Variants in OXR1 observed in about 807,000 individuals in gnomAD.
OXR1 encodes the protein oxidation resistance protein 1.
A neutral mutation model predicts 104.6 loss-of-function variants in OXR1; 41 were observed. The observed-to-expected ratio is 0.39, with a 90% CI of 0.31 to 0.51. The LOEUF is 0.51. OXR1 is among the 20% of genes least tolerant of loss of function. The probability of loss-of-function intolerance (pLI) is 0.77; values close to 1 mark genes in which losing one functional copy is unlikely to be tolerated. For missense variants in OXR1, 955 were observed against 1,031.9 expected (o/e 0.93, Z 1.02); for synonymous variants, 348 against 348.4 (o/e 1.00, Z 0.01).
At chr8:106,464,435 G>A (rs919244449) in intron 2 of OXR1, among the ~76,000 whole-genome samples, 2 of 151,950 alleles carry the variant, frequency 1.3e-5, no homozygotes, top group East Asian at 1.9e-4. Context: ...TATTGCCCCC[G>A]TGACAATTTT....
At chr8:106,493,711 G>A (rs532914355) in intron 2 of OXR1, among the ~76,000 whole-genome samples, 4 of 152,166 alleles carry the variant, frequency 2.6e-5, no homozygotes, top group Non-Finnish European at 4.4e-5. Context: ...GCTTAGGATC[G>A]GCTAATTGAA....
chr8:106,715,412 T>C (rs897431190), intron 11 of OXR1, among the ~76,000 whole-genome samples: 13 of 148,064 alleles, frequency 8.8e-5, no homozygotes, highest in Non-Finnish European at 1.8e-4. Context: ...ATAATATATA[T>C]AATACGTATA....
At chr8:106,431,591 C>T (rs981752289) in intron 2 of OXR1, among the ~76,000 whole-genome samples, 1 of 152,298 alleles carries the variant, frequency 6.6e-6, no homozygotes, top group East Asian at 1.9e-4. Flanking sequence ...CATTATGTTA[C>T]GTATCTATTC....
chr8:106,668,695 T>C (rs1404860625), intron 3 of OXR1, among the ~76,000 whole-genome samples: 1 of 152,208 alleles, frequency 6.6e-6, no homozygotes, highest in African/African-American at 2.4e-5. Flanking sequence ...AATACAGGCT[T>C]AGTAACAATA....
chr8:106,314,336 C>T (rs923625326), intron 1 of OXR1, among the ~76,000 whole-genome samples: 4 of 152,150 alleles, frequency 2.6e-5, no homozygotes, highest in Non-Finnish European at 5.9e-5. Context: ...TTATGGGCCA[C>T]CATACCATTT....
intron 3 of OXR1, among the ~76,000 whole-genome samples, chr8:106,526,694 C>T (rs977891536): frequency 3.3e-5 from 5 of 152,218 alleles, no homozygotes; most frequent in Admixed American, 2.0e-4. Flanking sequence ...AGGCGTCCGC[C>T]ACCACGCCCG....
chr8:106,411,699 G>A (rs1178842127), intron 2 of OXR1, among the ~76,000 whole-genome samples: 1 of 152,140 alleles, frequency 6.6e-6, no homozygotes, highest in African/African-American at 2.4e-5. Flanking sequence ...TGATTTCTGT[G>A]CAAGATTTTG....
intron 1 of OXR1, among the ~76,000 whole-genome samples, chr8:106,327,276 T>C (rs1189428931): frequency 6.6e-6 from 1 of 152,218 alleles, no homozygotes; most frequent in East Asian, 1.9e-4. Context: ...TCAAAAAGCA[T>C]AGTTTGAACC....
At chr8:106,604,047 C>T (rs988585117) in intron 3 of OXR1, among the ~76,000 whole-genome samples, 2 of 151,892 alleles carry the variant, frequency 1.3e-5, no homozygotes, top group Non-Finnish European at 2.9e-5. Flanking sequence ...AGTGAGACTC[C>T]ATCTCAAAAA....
intron 11 of OXR1, among the ~76,000 whole-genome samples, chr8:106,717,978 T>G (rs1365788924): frequency 6.6e-6 from 1 of 152,228 alleles, no homozygotes; most frequent in East Asian, 1.9e-4. Flanking sequence ...TGTTAGAAAG[T>G]TATTTGTTAC....
chr8:106,548,528 A>G (rs1167363872), intron 3 of OXR1, among the ~76,000 whole-genome samples: 1 of 152,242 alleles, frequency 6.6e-6, no homozygotes, highest in Non-Finnish European at 1.5e-5. Context: ...TAAAAATGTT[A>G]TAATATATAA....
intron 3 of OXR1, among the ~76,000 whole-genome samples, chr8:106,602,916 T>C (rs1463282389): frequency 3.9e-5 from 6 of 152,168 alleles, no homozygotes; most frequent in Non-Finnish European, 7.3e-5. Context: ...AATATTCTTA[T>C]CCTTTCAGGT....
chr8:106,536,008 C>A (rs1044929075), intron 3 of OXR1, among the ~76,000 whole-genome samples: 1 of 152,056 alleles, frequency 6.6e-6, no homozygotes, highest in African/African-American at 2.4e-5. Flanking sequence ...ATCACGAGGT[C>A]AGGAAATCGA....
intron 3 of OXR1, among the ~76,000 whole-genome samples, chr8:106,623,333 C>A (rs72680998): frequency 0.014 from 2,165 of 151,886 alleles, 28 homozygotes; most frequent in South Asian, 0.062. Flanking sequence ...AAAAGCAACC[C>A]TAATCCCACC....
At chr8:106,298,746 A>AAAAAC (rs1216008661) in intron 1 of OXR1, among the ~76,000 whole-genome samples, 1 of 147,196 alleles carries the variant, frequency 6.8e-6, no homozygotes, top group Non-Finnish European at 1.5e-5. Flanking sequence ...CTGGAGGAAA[A>AAAAAC]AAAACAAAAC....
chr8:106,610,728 T>G (rs1419743564), intron 3 of OXR1, among the ~76,000 whole-genome samples: 1 of 152,164 alleles, frequency 6.6e-6, no homozygotes. Context: ...GACTTACTCT[T>G]TCCTCCTTTA....
At chr8:106,444,573 A>G (rs1310669835) in intron 2 of OXR1, among the ~76,000 whole-genome samples, 1 of 152,154 alleles carries the variant, frequency 6.6e-6, no homozygotes, top group Non-Finnish European at 1.5e-5. Context: ...CATCCTCAGC[A>G]AACTAACACA....
intron 3 of OXR1, among the ~76,000 whole-genome samples, chr8:106,633,809 T>G (rs1349913210): frequency 6.6e-6 from 1 of 152,094 alleles, no homozygotes; most frequent in Non-Finnish European, 1.5e-5. Flanking sequence ...TGGGTCATCC[T>G]AGGCTTCCTT....
chr8:106,638,893 CA>C lies in OXR1; in HGVS notation c.221-40301del, dbSNP rs34153559. ...TGGGCGCAAGAGTGAGACTCCATTT[CA>C]AAAAAAAAAAAAAAACCTATAAAAC... On this transcript the variant is annotated intron_variant, in intron 3 of 16. Coordinates refer to ENST00000517566, the MANE Select transcript of OXR1 (RefSeq NM_001198533.2). Among the ~76,000 whole-genome samples the C allele has an allele frequency of 5.3e-3, 507 of 94,814 alleles. 2 individuals carry two copies. The highest frequency in any genetic ancestry group is 0.012 in the African/African-American group (340 of 28,154). 62.2% of individuals were successfully genotyped at this position (94,814 alleles called of 152,430 possible).
Sources: gnomAD v4.1 joint callset for allele counts (sites outside exome capture counted in the v4.1 genomes callset) on GRCh38, gnomAD v4.1.1 for gene constraint, MANE v1.5 for transcripts, NCBI Gene and HGNC (gene_info 2026-07-23, HGNC 2026-07-21) for gene names.